WDPCP: variants seen among roughly 807,000 people sequenced by gnomAD.
The protein encoded by WDPCP is WD repeat containing planar cell polarity effector, also known as WD repeat-containing and planar cell polarity effector protein fritz homolog.
WDPCP carries 71 observed loss-of-function variants against 93.1 expected under a neutral mutation model. The observed-to-expected ratio is 0.76, with a 90% confidence interval of 0.63 to 0.93. The LOEUF (loss-of-function observed/expected upper bound fraction) is 0.93, where lower values mean the gene tolerates loss of function less well. Among genes scored for constraint, WDPCP ranks in the 40% least tolerant of loss-of-function variants. The pLI is 0.00. For synonymous variants in WDPCP, 315 were observed against 315.0 expected (o/e 1.00, Z 0.00); for missense variants, 844 against 887.4 (o/e 0.95, Z 0.62).
chr2:63,186,471 A>G (rs57320842), intron 14 of WDPCP, among the ~76,000 whole-genome samples: 3,027 of 152,312 alleles, frequency 0.02, 112 homozygotes, highest in African/African-American at 0.069. Flanking sequence ...GATTGAGAAG[A>G]GCATCCTCCT....
chr2:63,628,141 G>C (rs957993252), intron 3 of WDPCP, among the ~76,000 whole-genome samples: 1 of 152,152 alleles, frequency 6.6e-6, no homozygotes, highest in Non-Finnish European at 1.5e-5. Context: ...CCTTGTCGCC[G>C]AGGCCCGCAA....
intron 2 of WDPCP, among the ~76,000 whole-genome samples, chr2:63,714,304 G>A (rs1436137146): frequency 1.3e-5 from 2 of 151,872 alleles, no homozygotes; most frequent in Non-Finnish European, 2.9e-5. Context: ...CTGACCTCAG[G>A]TGATCCACCC....
chr2:63,280,359 A>T (rs1683436715), intron 13 of WDPCP, among the ~76,000 whole-genome samples: 1 of 152,188 alleles, frequency 6.6e-6, no homozygotes, highest in Non-Finnish European at 1.5e-5. Flanking sequence ...ATCTTGTGAG[A>T]CTTATTCACT....
chr2:63,559,859 C>A (rs1466984641), intron 1 of WDPCP, among the ~76,000 whole-genome samples: 1 of 152,060 alleles, frequency 6.6e-6, no homozygotes, highest in Non-Finnish European at 1.5e-5. Flanking sequence ...TCATACTGCC[C>A]AAAGTAATTT....
At chr2:63,486,671 A>C in intron 3 of WDPCP, 85 bp from the exon 4 acceptor site, 1 of 1,170,410 alleles carries the variant, frequency 8.5e-7, no homozygotes, top group Non-Finnish European at 1.2e-6. Flanking sequence ...TAATATGTAC[A>C]TGTATAAGGT....
At chr2:63,727,503 T>A (rs1447085348) in intron 2 of WDPCP, among the ~76,000 whole-genome samples, 1 of 152,162 alleles carries the variant, frequency 6.6e-6, no homozygotes, top group African/African-American at 2.4e-5. Flanking sequence ...TGGCCTGAAT[T>A]TTTCTTTATT....
intron 14 of WDPCP, among the ~76,000 whole-genome samples, chr2:63,197,943 A>G (rs1675583198): frequency 6.6e-6 from 1 of 152,174 alleles, no homozygotes; most frequent in African/African-American, 2.4e-5. Context: ...TAGCATATTG[A>G]CAGGTTCTAG....
chr2:63,204,954 A>G (rs1308517226), intron 14 of WDPCP, among the ~76,000 whole-genome samples: 1 of 152,052 alleles, frequency 6.6e-6, no homozygotes, highest in African/African-American at 2.4e-5. Context: ...CATTTCCCCA[A>G]TATTTTCTTG....
intron 6 of WDPCP, among the ~76,000 whole-genome samples, chr2:63,444,895 G>A (rs1307964505): frequency 6.6e-6 from 1 of 152,046 alleles, no homozygotes; most frequent in Non-Finnish European, 1.5e-5. Context: ...TTTCTCATTT[G>A]CTCCTTTTCA....
intron 1 of WDPCP, among the ~76,000 whole-genome samples, chr2:63,572,895 T>TG (rs1168990428): frequency 4.0e-5 from 6 of 151,754 alleles, no homozygotes. Flanking sequence ...AAAGTTCTCA[T>TG]TTTTAAAACA....
chr2:63,313,311 C>G lies in WDPCP; in HGVS notation c.1749G>C (p.Arg583Ser), dbSNP rs994455388. 5 of 1,613,046 alleles carry G rather than the reference C, an allele frequency of 3.1e-6. No individual in the cohort carries two copies. Among genetic ancestry groups the G allele is most frequent in the African/African-American group, 2.7e-5 (2 of 74,844 alleles). ...YARRFFHHLL[R>S]YQRFEKAFLL... ...GAAATGCCTTTTCAAACCTCTGGTACCTACAAGGCAGAAAAAAATATTATG... is the reference window on the plus strand; with the variant it reads ...GAAATGCCTTTTCAAACCTCTGGTAGCTACAAGGCAGAAAAAAATATTATG... The change falls in exon 13 of 18, where the codon AGG (arginine) becomes AGC (serine). Residue 583 changes from arginine to serine, a missense_variant and splice_region_variant. By Grantham distance (110) the Arg-to-Ser change is moderately radical (BLOSUM62 -1). Coordinates refer to ENST00000272321, the MANE Select transcript of WDPCP (RefSeq NM_015910.7).
At chr2:63,688,958 T>G (rs72806095) in intron 2 of WDPCP, among the ~76,000 whole-genome samples, 34,032 of 151,966 alleles carry the variant, frequency 0.22, 4,236 homozygotes, top group Non-Finnish European at 0.26. Flanking sequence ...TCTCATGAGC[T>G]CTTGCCCTCT....
At chr2:63,144,228 C>G (rs1210425639) in intron 17 of WDPCP, among the ~76,000 whole-genome samples, 1 of 151,822 alleles carries the variant, frequency 6.6e-6, no homozygotes, top group Admixed American at 6.6e-5. Flanking sequence ...TTGTTCAATT[C>G]TATTGGTGAG....
At chr2:63,774,762 A>G (rs935174094) in intron 2 of WDPCP, among the ~76,000 whole-genome samples, 5 of 152,120 alleles carry the variant, frequency 3.3e-5, no homozygotes, top group African/African-American at 1.2e-4. Flanking sequence ...GTCATTCTTG[A>G]ATCCCCACCT....
chr2:63,809,109 C>T (rs1471630504), intron 2 of WDPCP, among the ~76,000 whole-genome samples: 4 of 151,176 alleles, frequency 2.6e-5, no homozygotes, highest in Admixed American at 1.3e-4. Flanking sequence ...CGCCCGGCAG[C>T]CGCCCTGTCT....
intron 9 of WDPCP, among the ~76,000 whole-genome samples, chr2:63,418,952 C>A (rs1018353554): frequency 1.3e-5 from 2 of 152,086 alleles, no homozygotes; most frequent in Non-Finnish European, 2.9e-5. Context: ...GGATGGCCAG[C>A]GTCCAGTGTT....
At chr2:63,633,408 T>C (rs1201959693) in intron 3 of WDPCP, among the ~76,000 whole-genome samples, 1 of 152,178 alleles carries the variant, frequency 6.6e-6, no homozygotes, top group Non-Finnish European at 1.5e-5. Context: ...TGTTCATTGA[T>C]ACATAATATA....
At chr2:63,604,371 T>G (rs1334894376) in intron 3 of WDPCP, among the ~76,000 whole-genome samples, 1 of 152,238 alleles carries the variant, frequency 6.6e-6, no homozygotes, top group Non-Finnish European at 1.5e-5. Context: ...CAAGAAATAG[T>G]AAATTGATAA....
intron 2 of WDPCP, among the ~76,000 whole-genome samples, chr2:63,698,404 G>A (rs1668992427): frequency 1.3e-5 from 2 of 152,166 alleles, no homozygotes; most frequent in Non-Finnish European, 2.9e-5. Flanking sequence ...TGCCTCAGAG[G>A]AAAATGAACT....
Sources: gnomAD v4.1 joint callset for allele counts (sites outside exome capture counted in the v4.1 genomes callset) on GRCh38, gnomAD v4.1.1 for gene constraint, MANE v1.5 for transcripts, NCBI Gene and HGNC (gene_info 2026-07-23, HGNC 2026-07-21) for gene names.